The following PTPRD variants were observed in gnomAD, a reference collection of about 807,000 sequenced individuals.
The protein encoded by PTPRD is receptor-type tyrosine-protein phosphatase delta.
A neutral mutation model predicts 214.5 loss-of-function variants in PTPRD; 34 were observed. That is an observed-to-expected ratio of 0.16 (90% CI 0.12 to 0.21). PTPRD has a LOEUF of 0.21. PTPRD is among the 10% of genes least tolerant of loss of function. The pLI, the probability that PTPRD is intolerant of heterozygous loss-of-function variation, is 1.00. For synonymous variants in PTPRD, 1,128 were observed against 845.7 expected, an observed-to-expected ratio of 1.33 and a Z score of -5.79; for missense variants, 2,545 against 2,398.7, an observed-to-expected ratio of 1.06 and a Z score of -1.27.
chr9:10,150,685 A>T (rs573920724), intron 3 of PTPRD, among the ~76,000 whole-genome samples: 6 of 151,916 alleles, frequency 3.9e-5, no homozygotes, highest in Non-Finnish European at 5.9e-5. Flanking sequence ...AATGAAAAAA[A>T]TAATAATCTT....
At chr9:9,732,504 G>A (rs2098215446) in intron 7 of PTPRD, among the ~76,000 whole-genome samples, 1 of 152,118 alleles carries the variant, frequency 6.6e-6, no homozygotes, top group African/African-American at 2.4e-5. Flanking sequence ...CAATTTAAAT[G>A]AAAAATGATG....
At chr9:10,101,264 A>G (rs958439548) in intron 3 of PTPRD, among the ~76,000 whole-genome samples, 1 of 151,638 alleles carries the variant, frequency 6.6e-6, no homozygotes, top group Non-Finnish European at 1.5e-5. Flanking sequence ...AAAGTAAGGA[A>G]TGAAGGTGTG....
intron 9 of PTPRD, among the ~76,000 whole-genome samples, chr9:9,233,759 A>G (rs2099964690): frequency 6.6e-6 from 1 of 152,232 alleles, no homozygotes; most frequent in Non-Finnish European, 1.5e-5. Context: ...TAAACCTTAA[A>G]GTTCCAAAAT....
At position 9,259,094 on chromosome 9, in the gene PTPRD, C is replaced by T. The variant is rs756287907; in HGVS notation, c.-202-75731G>A. Among the ~76,000 whole-genome samples the T allele has an allele frequency of 2.1e-4, 32 of 151,818 alleles. No individual in the cohort carries two copies. The South Asian group carries it at 3.3e-3, about 16-fold the overall frequency. On this transcript the variant is annotated intron_variant, in intron 9 of 45. Transcript: ENST00000381196. ...GGAATCTGTGCTCCTCTTACCCATT[C>T]CCAAGACTGAACTACTCAAAATTCC...
Position 9,671,177 on chromosome 9 carries a change from T to C in PTPRD, c.-287+63356A>G, listed in dbSNP as rs552930375. On this transcript the variant is annotated intron_variant, in intron 7 of 45. Coordinates refer to ENST00000381196, the MANE Select transcript of PTPRD (RefSeq NM_002839.4). The stretch of plus-strand genomic sequence containing the variant: ...CACCTCTTGCATACAGTGACCTGGA[T>C]GTAAGACCAGGAGTCAAAGGAGATC... 5.9e-5 allele frequency among the ~76,000 whole-genome samples: 9 copies of C among 152,246 alleles called. No individual in the cohort carries two copies. In the South Asian group the frequency reaches 1.7e-3, roughly 28 times the overall value.
chr9:9,725,842 C>A (rs747004876), intron 7 of PTPRD, among the ~76,000 whole-genome samples: 11 of 152,006 alleles, frequency 7.2e-5, no homozygotes, highest in Non-Finnish European at 1.5e-4. Context: ...TCAAGATAGC[C>A]CTCACAACAA....
chr9:8,979,867 A>G (rs181662823), intron 11 of PTPRD, among the ~76,000 whole-genome samples: 74 of 152,178 alleles, frequency 4.9e-4, no homozygotes, highest in African/African-American at 1.7e-3. Flanking sequence ...TTGGACATAT[A>G]CCCAAAGAAG....
chr9:9,883,796 C>T (rs1242359469), intron 5 of PTPRD, among the ~76,000 whole-genome samples: 4 of 152,008 alleles, frequency 2.6e-5, no homozygotes, highest in African/African-American at 9.7e-5. Flanking sequence ...TTCTCATTTT[C>T]CAGGGCAAAC....
chr9:10,541,530 TC>T (rs2059106690), intron 2 of PTPRD, among the ~76,000 whole-genome samples: 1 of 151,860 alleles, frequency 6.6e-6, no homozygotes, highest in South Asian at 2.1e-4. Context: ...GATTCTTATC[TC>T]CTTATATATA....
chr9:10,396,294 C>A (rs1421296068), intron 2 of PTPRD, among the ~76,000 whole-genome samples: 1 of 151,888 alleles, frequency 6.6e-6, no homozygotes, highest in Non-Finnish European at 1.5e-5. Context: ...ATCTTCTGAT[C>A]ATTGTTAAGG....
At chr9:9,430,950 T>C (rs922606201) in intron 8 of PTPRD, among the ~76,000 whole-genome samples, 2 of 152,150 alleles carry the variant, frequency 1.3e-5, no homozygotes, top group African/African-American at 4.8e-5. Context: ...CATAAAAATC[T>C]TAGAAGAAAA....
At chr9:9,619,732 T>C (rs1445771444) in intron 7 of PTPRD, among the ~76,000 whole-genome samples, 1 of 146,168 alleles carries the variant, frequency 6.8e-6, no homozygotes, top group Non-Finnish European at 1.5e-5. Flanking sequence ...ATCGTGTATT[T>C]AATTTTCTAT....
intron 11 of PTPRD, among the ~76,000 whole-genome samples, chr9:8,773,080 G>A (rs1303593117): frequency 6.6e-6 from 1 of 152,130 alleles, no homozygotes; most frequent in Admixed American, 6.5e-5. Context: ...GAATTATGGA[G>A]CTTTCCTCTC....
At chr9:10,047,651 T>C (rs909592249) in intron 3 of PTPRD, among the ~76,000 whole-genome samples, 5 of 152,086 alleles carry the variant, frequency 3.3e-5, no homozygotes, top group Admixed American at 6.6e-5. Context: ...TATGTAAACA[T>C]TGAAATTTCA....
chr9:9,459,500 T>C (rs1456360233), intron 8 of PTPRD, among the ~76,000 whole-genome samples: 1 of 152,112 alleles, frequency 6.6e-6, no homozygotes, highest in Non-Finnish European at 1.5e-5. Context: ...ATGATTTCAA[T>C]AAATTTTCAA....
intron 5 of PTPRD, among the ~76,000 whole-genome samples, chr9:9,789,061 C>A (rs2098947895): frequency 6.6e-6 from 1 of 152,192 alleles, no homozygotes. Flanking sequence ...TAAATATTTT[C>A]TGGCTGGCTA....
chr9:8,663,383 A>G (rs182187146), intron 12 of PTPRD, among the ~76,000 whole-genome samples: 1 of 151,908 alleles, frequency 6.6e-6, no homozygotes. Context: ...TATTTACCAA[A>G]CTAAAAAAAA....
intron 12 of PTPRD, among the ~76,000 whole-genome samples, chr9:8,686,707 A>G (rs886753626): frequency 2.6e-5 from 4 of 152,210 alleles, no homozygotes; most frequent in African/African-American, 7.2e-5. Flanking sequence ...CCATCCAAGT[A>G]GAAGGTTACC....
At chr9:8,939,584 C>CAG (rs2099018684) in intron 11 of PTPRD, among the ~76,000 whole-genome samples, 1 of 151,864 alleles carries the variant, frequency 6.6e-6, no homozygotes, top group Non-Finnish European at 1.5e-5. Flanking sequence ...ATAACACACA[C>CAG]ACACACATCA....
Sources: gnomAD v4.1 joint callset for allele counts (sites outside exome capture counted in the v4.1 genomes callset) on GRCh38, gnomAD v4.1.1 for gene constraint, MANE v1.5 for transcripts, NCBI Gene and HGNC (gene_info 2026-07-23, HGNC 2026-07-21) for gene names.